KCNT2: variants seen among roughly 807,000 people sequenced by gnomAD.
KCNT2 encodes potassium sodium-activated channel subfamily T member 2.
In KCNT2, 67 loss-of-function variants were observed where a neutral mutation model predicts 153.8. That is an observed-to-expected ratio of 0.44 (90% CI 0.36 to 0.53). KCNT2 has a LOEUF of 0.53. KCNT2 is among the 20% of genes least tolerant of loss of function. The probability of loss-of-function intolerance (pLI) is 0.00; values close to 1 mark genes in which losing one functional copy is unlikely to be tolerated. For synonymous variants in KCNT2, 500 were observed against 458.8 expected, an observed-to-expected ratio of 1.09 and a Z score of -1.15; for missense variants, 975 against 1,354.8, an observed-to-expected ratio of 0.72 and a Z score of 4.40.
At chr1:196,475,740 T>C (rs1033903345) in intron 5 of KCNT2, among the ~76,000 whole-genome samples, 11 of 152,192 alleles carry the variant, frequency 7.2e-5, no homozygotes, top group African/African-American at 2.2e-4. Flanking sequence ...AAACACTCTG[T>C]TGAAGGGACC....
intron 1 of KCNT2, among the ~76,000 whole-genome samples, chr1:196,506,385 G>T (rs1159399072): frequency 6.6e-6 from 1 of 152,074 alleles, no homozygotes; most frequent in African/African-American, 2.4e-5. Context: ...AAAAACTGTG[G>T]TTCATCTATT....
chr1:196,562,606 G>A (rs1659559092), intron 1 of KCNT2, among the ~76,000 whole-genome samples: 2 of 151,794 alleles, frequency 1.3e-5, no homozygotes, highest in African/African-American at 4.8e-5. Flanking sequence ...TTTGAATACT[G>A]AATTTGAGGG....
At chr1:196,282,014 G>A (rs1242192709) in intron 24 of KCNT2, among the ~76,000 whole-genome samples, 1 of 151,980 alleles carries the variant, frequency 6.6e-6, no homozygotes, top group Admixed American at 6.6e-5. Context: ...CTCCCAAAGT[G>A]CTAGGATTAC....
chr1:196,558,839 A>G (rs1372451643), intron 1 of KCNT2, among the ~76,000 whole-genome samples: 2 of 151,578 alleles, frequency 1.3e-5, no homozygotes, highest in Non-Finnish European at 3.0e-5. Flanking sequence ...TTGAATTTTT[A>G]TTATGTATAA....
intron 1 of KCNT2, among the ~76,000 whole-genome samples, chr1:196,533,263 T>A (rs541328692): frequency 7.2e-5 from 11 of 152,098 alleles, no homozygotes; most frequent in Non-Finnish European, 1.6e-4. Context: ...TCTTCCAATA[T>A]GCAATAATTA....
intron 13 of KCNT2, among the ~76,000 whole-genome samples, chr1:196,375,607 CT>C (rs1668894942): frequency 6.6e-6 from 1 of 151,286 alleles, no homozygotes; most frequent in South Asian, 2.1e-4. Context: ...AAAAAACATG[CT>C]TTTTATTATT....
At chr1:196,229,414 C>A (rs983646504) in intron 27 of KCNT2, among the ~76,000 whole-genome samples, 3 of 151,994 alleles carry the variant, frequency 2.0e-5, no homozygotes, top group African/African-American at 7.2e-5. Flanking sequence ...CTGATCACTC[C>A]ACCAACTGGC....
chr1:196,340,485 T>C lies in KCNT2; in HGVS notation c.1639A>G (p.Thr547Ala), dbSNP rs1665510651. ...ATATTAATATAAAAGCATATGTCTG[T>C]AGAATTCATAATGTATCGAGGACCT... ...NPGPRYIMNS[T>A]DICFYINITK... is the part of the protein sequence containing the mutation. Residue 547 changes from threonine (T) to alanine (A), a missense_variant, in exon 16 of 28, where the codon ACA becomes GCA. This residue lies in a region of KCNT2 where 325 missense variants were observed against 388.1 expected (regional missense o/e 0.84). Coordinates refer to ENST00000294725, the MANE Select transcript of KCNT2 (RefSeq NM_198503.5). The C allele has an allele frequency of 1.9e-6, 3 of 1,611,644 alleles. No homozygotes were observed. Among genetic ancestry groups the C allele is most frequent in the Non-Finnish European group, 2.5e-6 (3 of 1,178,406 alleles).
chr1:196,477,928 C>G (rs1444299539), intron 5 of KCNT2, among the ~76,000 whole-genome samples: 1 of 152,188 alleles, frequency 6.6e-6, no homozygotes, highest in East Asian at 1.9e-4. Context: ...ATCTCCCTCT[C>G]AAAAGTTCCA....
chr1:196,461,616 C>T (rs968152001), intron 8 of KCNT2, among the ~76,000 whole-genome samples: 1 of 151,702 alleles, frequency 6.6e-6, no homozygotes, highest in Non-Finnish European at 1.5e-5. Context: ...TAAAGTCATG[C>T]ATTTAATTCC....
chr1:196,552,535 C>T (rs1212085124), intron 1 of KCNT2, among the ~76,000 whole-genome samples: 1 of 151,310 alleles, frequency 6.6e-6, no homozygotes, highest in Non-Finnish European at 1.5e-5. Context: ...GTTCTTCAGT[C>T]TGAAAGGAAA....
chr1:196,340,906 A>G (rs192783565), intron 15 of KCNT2, among the ~76,000 whole-genome samples: 374 of 152,126 alleles, frequency 2.5e-3, no homozygotes, highest in Non-Finnish European at 4.3e-3. Flanking sequence ...CTTTGGTTAA[A>G]AAAAATAAAT....
At chr1:196,554,182 G>T (rs940777879) in intron 1 of KCNT2, among the ~76,000 whole-genome samples, 1 of 150,974 alleles carries the variant, frequency 6.6e-6, no homozygotes, top group African/African-American at 2.4e-5. Flanking sequence ...AGAAATAAAT[G>T]AATTTGAAAT....
Position 196,297,136 on chromosome 1 carries a change from ATG to A in KCNT2, c.2595+8096_2595+8097del, listed in dbSNP as rs370733276. ...TCTCTCTTTCTCTCTCTTTCTGTAG[ATG>A]TGTGTGTGTGTGTGTGCATATGTTT... On this transcript the variant is annotated intron_variant, in intron 22 of 27. Transcript: ENST00000294725. 6.0e-5 allele frequency among the ~76,000 whole-genome samples: 9 copies of A among 149,830 alleles called. No homozygotes were observed. In the South Asian group the frequency reaches 1.1e-3, roughly 18 times the overall value.
At chr1:196,363,023 T>G (rs950198324) in intron 14 of KCNT2, among the ~76,000 whole-genome samples, 1 of 152,128 alleles carries the variant, frequency 6.6e-6, no homozygotes, top group African/African-American at 2.4e-5. Context: ...CTTTCACCCC[T>G]AATATTAGTA....
chr1:196,537,833 C>T (rs1168206528), intron 1 of KCNT2, among the ~76,000 whole-genome samples: 2 of 152,164 alleles, frequency 1.3e-5, no homozygotes, highest in African/African-American at 4.8e-5. Flanking sequence ...TTGGGGCATT[C>T]TTATCTCTCG....
intron 12 of KCNT2, among the ~76,000 whole-genome samples, chr1:196,405,883 T>A (rs1671789052): frequency 6.6e-6 from 1 of 151,536 alleles, no homozygotes; most frequent in African/African-American, 2.4e-5. Context: ...TTATAAGCGA[T>A]TGAGCAAACT....
intron 1 of KCNT2, among the ~76,000 whole-genome samples, chr1:196,536,851 C>T (rs1323771935): frequency 6.6e-6 from 1 of 152,184 alleles, no homozygotes; most frequent in African/African-American, 2.4e-5. Context: ...ACCCATCCCA[C>T]TATTGAGTAA....
intron 1 of KCNT2, among the ~76,000 whole-genome samples, chr1:196,579,202 G>A (rs1661726771): frequency 1.3e-5 from 2 of 152,024 alleles, no homozygotes; most frequent in African/African-American, 2.4e-5. Context: ...TATACACTAT[G>A]CTTAGCAAAA....
Sources: allele counts gnomAD v4.1 joint callset (sites outside exome capture counted in the v4.1 genomes callset), GRCh38; gene constraint gnomAD v4.1.1; regional missense constraint gnomAD v4.1.1; transcripts MANE v1.5; gene names NCBI Gene and HGNC (gene_info 2026-07-23, HGNC 2026-07-21).